SLC27A1: variants seen among roughly 807,000 people sequenced by gnomAD.
SLC27A1 encodes solute carrier family 27 member 1.
In SLC27A1, 61 loss-of-function variants were observed where a neutral mutation model predicts 62.2. That is an observed-to-expected ratio of 0.98 (90% CI 0.80 to 1.21). The LOEUF is 1.21. SLC27A1 is among the 50% of genes most tolerant of loss of function. The pLI is 0.00. For synonymous variants in SLC27A1, 435 were observed against 408.6 expected (o/e 1.06, Z -0.78); for missense variants, 903 against 932.1 (o/e 0.97, Z 0.41).
rs181908341 is a variant in SLC27A1 at position 17,472,447 on chromosome 19, C to T, written c.167+1740C>T. ...ATTGAGGCCATACTCCTGAGCATTGCGCACGAGGTCCCTGACCATGTCCCA... is the reference window on the plus strand; with the variant it reads ...ATTGAGGCCATACTCCTGAGCATTGTGCACGAGGTCCCTGACCATGTCCCA... On this transcript the variant is annotated intron_variant, in intron 1 of 11. Transcript: ENST00000252595. Among the ~76,000 whole-genome samples the T allele has an allele frequency of 2.9e-3, 443 of 151,956 alleles. 3 individuals carry two copies. Among genetic ancestry groups the T allele is most frequent in the African/African-American group, 9.8e-3 (406 of 41,466 alleles).
At chr19:17,488,651 C>G in intron 4 of SLC27A1, 197 bp from the exon 5 acceptor site, 1 of 617,102 alleles carries the variant, frequency 1.6e-6, no homozygotes, top group Non-Finnish European at 2.9e-6. Flanking sequence ...CTCTATGCCC[C>G]TTGACCCTAT....
intron 6 of SLC27A1, chr19:17,495,671 A>C (rs1029139540): frequency 6.6e-6 from 1 of 152,048 alleles, no homozygotes; most frequent in Non-Finnish European, 1.5e-5. Flanking sequence ...GCTGTACCAC[A>C]CCTAAGGCAG....
chr19:17,478,319 T>C (rs1358595668), intron 1 of SLC27A1, among the ~76,000 whole-genome samples: 1 of 149,698 alleles, frequency 6.7e-6, no homozygotes, highest in African/African-American at 2.5e-5. Context: ...ATACAAAAAT[T>C]AGCCAGGTGT....
intron 11 of SLC27A1, 56 bp from the exon 12 acceptor site, chr19:17,504,399 G>A (rs2075452342): frequency 6.2e-7 from 1 of 1,604,920 alleles, no homozygotes; most frequent in Admixed American, 1.7e-5. Context: ...ATATTGAGTT[G>A]AGGCCTCCCA....
At chr19:17,476,065 CTTG>C (rs1189548659) in intron 1 of SLC27A1, among the ~76,000 whole-genome samples, 2 of 152,162 alleles carry the variant, frequency 1.3e-5, no homozygotes, top group African/African-American at 4.8e-5. Flanking sequence ...GTTCCTGTTT[CTTG>C]TTGTTGTGTT....
rs1405938558 is a variant in SLC27A1, at chr19:17,505,068, A to G, written c.*456A>G. On this transcript the variant is annotated 3_prime_UTR_variant, in exon 12 of 12. Transcript: ENST00000252595. ...GCCACCACGTCCAGCTAATTTTTAT[A>G]TTTTTAGTAGAGACGGGGTTTCACC... 2 of 356,732 alleles carry G rather than the reference A, an allele frequency of 5.6e-6. No individual in the cohort carries two copies. The highest frequency in any genetic ancestry group is 1.1e-5 in the Non-Finnish European group (2 of 182,604). 22.1% of individuals were successfully genotyped at this position (356,732 alleles called of 1,614,324 possible). A position where few individuals can be genotyped will look rare whatever the true frequency, so the allele number is the denominator to read the frequency against.
rs758008791 is a variant in SLC27A1, at chr19:17,488,841, C to G, written c.795-7C>G. On this transcript the variant is annotated splice_region_variant and splice_polypyrimidine_tract_variant and intron_variant, in intron 4 of 11. Transcript: ENST00000252595. ...CTCTGCCCTCCCGGCTCCCCCTCCC[C>G]CTGCAGGTACTACCGCATGGCAGCC... 1.2e-6 allele frequency: 2 copies of G among 1,613,040 alleles called. No homozygotes were observed. Among genetic ancestry groups the G allele is most frequent in the Admixed American group, 3.3e-5 (2 of 59,970 alleles).
intron 1 of SLC27A1, chr19:17,483,763 ACACTGACCT>A (rs1157478831): frequency 1.3e-5 from 2 of 151,250 alleles, no homozygotes; most frequent in Non-Finnish European, 2.9e-5. Context: ...AATTCCCCCC[ACACTGACCT>A]CCACGCTGGT....
Position 17,487,485 on chromosome 19 carries a change from G to T in SLC27A1, c.750G>T (p.Ser250=), listed in dbSNP as rs549071246. 3 of 1,606,676 alleles carry T rather than the reference G, an allele frequency of 1.9e-6. No homozygotes were observed. The South Asian group carries it at 3.3e-5, about 18-fold the overall frequency. The change falls in exon 4 of 12, where the codon TCG becomes TCT. Residue 250 remains serine (S), a synonymous_variant. Coordinates refer to ENST00000252595, the MANE Select transcript of SLC27A1 (RefSeq NM_198580.3). ...ATCGTCTTTTCTACATCTACACGTCGGGGACCACCGGGCTGCCCAAGGCTG... is the reference window on the plus strand; with the variant it reads ...ATCGTCTTTTCTACATCTACACGTCTGGGACCACCGGGCTGCCCAAGGCTG... ...MDDRLFYIYT[S]GTTGLPKAAI...
chr19:17,476,216 G>A (rs1257566684), intron 1 of SLC27A1, among the ~76,000 whole-genome samples: 4 of 152,108 alleles, frequency 2.6e-5, no homozygotes, highest in African/African-American at 7.2e-5. Flanking sequence ...CCCACAGGAA[G>A]CCCTTAGAGC....
intron 1 of SLC27A1, among the ~76,000 whole-genome samples, chr19:17,485,166 T>G (rs982048886): frequency 1.1e-4 from 17 of 151,068 alleles, no homozygotes; most frequent in Non-Finnish European, 2.2e-4. Flanking sequence ...AACTTTTCCT[T>G]TCCTTTCCAT....
intron 7 of SLC27A1, 65 bp downstream of exon 7, chr19:17,497,529 T>G (rs1303611273): frequency 6.4e-6 from 9 of 1,400,444 alleles, no homozygotes; most frequent in Admixed American, 3.9e-5. Context: ...CTCCTCTTCC[T>G]GGGGCCCCTG....
At chr19:17,477,614 G>A (rs932103827) in intron 1 of SLC27A1, among the ~76,000 whole-genome samples, 5 of 151,044 alleles carry the variant, frequency 3.3e-5, no homozygotes, top group Non-Finnish European at 5.9e-5. Context: ...GTGCAGTGGT[G>A]CAATCTTGGC....
chr19:17,504,334 A>G (rs2075451403), intron 11 of SLC27A1, 121 bp from the exon 12 acceptor site: 3 of 1,264,474 alleles, frequency 2.4e-6, no homozygotes, highest in African/African-American at 1.5e-5. Context: ...AAAATGGGGA[A>G]GAACATTCCT....
intron 7 of SLC27A1, chr19:17,498,592 G>GCGGAGA (rs2075374567): frequency 5.1e-6 from 1 of 195,088 alleles, no homozygotes; most frequent in Admixed American, 6.1e-5. Flanking sequence ...CTCCCTGTGT[G>GCGGAGA]CGGAGACGAG....
At chr19:17,471,252 C>A (rs565432829) in intron 1 of SLC27A1, among the ~76,000 whole-genome samples, 1 of 152,122 alleles carries the variant, frequency 6.6e-6, no homozygotes, top group East Asian at 1.9e-4. Context: ...TAAAGGACTT[C>A]CCGGGTTTCT....
intron 6 of SLC27A1, among the ~76,000 whole-genome samples, chr19:17,489,470 A>G (rs2075274242): frequency 6.9e-6 from 1 of 144,186 alleles, no homozygotes; most frequent in African/African-American, 2.6e-5. Context: ...TAAACCCTCC[A>G]CGTGTAAACT....
chr19:17,474,996 C>G (rs1321198388), intron 1 of SLC27A1, among the ~76,000 whole-genome samples: 1 of 151,738 alleles, frequency 6.6e-6, no homozygotes, highest in Non-Finnish European at 1.5e-5. Flanking sequence ...TCCACTGCAC[C>G]CTCCAGCTCC....
chr19:17,475,134 C>T (rs1941784111), intron 1 of SLC27A1, among the ~76,000 whole-genome samples: 1 of 152,140 alleles, frequency 6.6e-6, no homozygotes. Flanking sequence ...AGGCTGGTCT[C>T]AAGGTCCTAA....
Sources: allele counts gnomAD v4.1 joint callset (sites outside exome capture counted in the v4.1 genomes callset), GRCh38; gene constraint gnomAD v4.1.1; transcripts MANE v1.5; gene names NCBI Gene and HGNC (gene_info 2026-07-23, HGNC 2026-07-21).